SEC23A: variants seen among roughly 807,000 people sequenced by gnomAD.
SEC23A encodes the protein SEC23 homolog A, COPII component.
A neutral mutation model predicts 103.7 loss-of-function variants in SEC23A; 56 were observed. The observed-to-expected ratio is 0.54, with a 90% confidence interval of 0.44 to 0.67. SEC23A has a LOEUF of 0.67. Among genes scored for constraint, SEC23A ranks in the 30% least tolerant of loss-of-function variants. The pLI is 0.00. For missense variants in SEC23A, 784 were observed against 936.4 expected (o/e 0.84, Z 2.12); for synonymous variants, 281 against 293.0 (o/e 0.96, Z 0.42).
chr14:39,045,245 T>C lies in SEC23A; in HGVS notation c.1817A>G (p.His606Arg). The change falls in exon 16 of 20, where the codon CAT (histidine) becomes CGT (arginine). Residue 606 changes from histidine to arginine, a missense_variant. Around this residue, in one of 2 missense-constraint regions of SEC23A, gnomAD observed 683 missense variants for 774.2 expected, o/e 0.88. Transcript: ENST00000307712. ...CTGGGTCAGATCTTGACGCATAAAA[T>C]GGTGACGATAATATGAACTCTCATC... is the stretch of plus-strand genomic sequence containing the variant. The part of the protein sequence containing the change: ...SPDESSYYRH[H>R]FMRQDLTQSL... The C allele has an allele frequency of 6.2e-7, 1 of 1,613,184 alleles. No homozygotes were observed. The highest frequency in any genetic ancestry group is 8.5e-7 in the Non-Finnish European group (1 of 1,179,306).
At chr14:39,093,159 G>GC in intron 3 of SEC23A, 28 bp downstream of exon 3, 1 of 1,603,542 alleles carries the variant, frequency 6.2e-7, no homozygotes. Context: ...GAGCCACTGC[G>GC]CCCGGCATGC....
intron 13 of SEC23A, among the ~76,000 whole-genome samples, chr14:39,057,787 T>C (rs890620399): frequency 6.6e-6 from 1 of 152,208 alleles, no homozygotes; most frequent in Admixed American, 6.5e-5. Context: ...AGCAGAAATA[T>C]AGAAATACAA....
intron 1 of SEC23A, among the ~76,000 whole-genome samples, chr14:39,101,316 C>G (rs1888083353): frequency 6.6e-6 from 1 of 152,014 alleles, no homozygotes; most frequent in Admixed American, 6.6e-5. Flanking sequence ...GTGCCCAAGT[C>G]TTTTAAAAGT....
At chr14:39,083,977 T>C (rs1432172178) in intron 7 of SEC23A, among the ~76,000 whole-genome samples, 3 of 152,166 alleles carry the variant, frequency 2.0e-5, no homozygotes, top group Admixed American at 6.5e-5. Context: ...TTCTGTAAAT[T>C]TGATAGCATT....
In SEC23A at chr14:39,064,929, G is replaced by C; in HGVS notation, c.1292C>G (p.Pro431Arg). The C allele has an allele frequency of 1.2e-6, 2 of 1,611,022 alleles. No homozygotes were observed. Among genetic ancestry groups the C allele is most frequent in the African/African-American group, 1.3e-5 (1 of 74,852 alleles). Residue 431 changes from proline to arginine, a missense_variant, in exon 11 of 20, where the codon CCC (proline) becomes CGC (arginine). Physicochemically the swap from Pro to Arg is moderately radical, Grantham distance 103. Coordinates refer to ENST00000307712, the MANE Select transcript of SEC23A (RefSeq NM_006364.4). The stretch of plus-strand genomic sequence containing the variant: ...ACAACTTACATTTTCAGACACACAG[G>C]GTCCTTTAGAATTGAGTGACACACA... ...GPCVSLNSKG[P>R]CVSENEIGTG...
intron 8 of SEC23A, 146 bp from the exon 9 acceptor site, chr14:39,074,676 A>G: frequency 1.6e-6 from 1 of 612,956 alleles, no homozygotes. Context: ...TAATGTTAAT[A>G]AAATTATACA....
intron 1 of SEC23A, among the ~76,000 whole-genome samples, chr14:39,102,390 G>A (rs1223557867): frequency 2.6e-5 from 4 of 152,196 alleles, no homozygotes; most frequent in South Asian, 2.1e-4. Flanking sequence ...TAGAGGTTGA[G>A]GGAGTTCAAG....
At chr14:39,077,543 A>T (rs529011303) in intron 7 of SEC23A, among the ~76,000 whole-genome samples, 1 of 152,096 alleles carries the variant, frequency 6.6e-6, no homozygotes, top group East Asian at 1.9e-4. Context: ...CTCTGTCAAA[A>T]AAAAGAAAGA....
At position 39,055,193 on chromosome 14, in the gene SEC23A, C is replaced by T. The variant is rs1229826646; in HGVS notation, c.1609G>A (p.Glu537Lys). ...ARLAIYRAETEEGPDVLRWLD... is the reference protein window; with the variant it reads ...ARLAIYRAETKEGPDVLRWLD... ...CACCTAAGCACATCTGGACCTTCTTCTGTTTCTGCTCTATATATTGCTAGC... is the reference window on the plus strand; with the variant it reads ...CACCTAAGCACATCTGGACCTTCTTTTGTTTCTGCTCTATATATTGCTAGC... Residue 537 changes from glutamate to lysine, a missense_variant, in exon 14 of 20, where the codon GAA becomes AAA. Physicochemically the swap from Glu to Lys is moderately conservative, Grantham distance 56 (BLOSUM62 1). Coordinates refer to ENST00000307712, the MANE Select transcript of SEC23A (RefSeq NM_006364.4). The T allele has an allele frequency of 3.7e-6, 6 of 1,614,100 alleles. No individual in the cohort carries two copies. Among genetic ancestry groups the T allele is most frequent in the Non-Finnish European group, 5.1e-6 (6 of 1,180,044 alleles).
chr14:39,070,725 A>T (rs1270659087), intron 9 of SEC23A, among the ~76,000 whole-genome samples: 3 of 151,626 alleles, frequency 2.0e-5, no homozygotes, highest in Non-Finnish European at 4.4e-5. Context: ...AATATCTTCT[A>T]ATGGTAGAAG....
Position 39,045,196 on chromosome 14 carries a change from G to A in SEC23A, c.1866C>T (p.Ile622=), listed in dbSNP as rs755409537. 3.7e-6 allele frequency: 6 copies of A among 1,613,430 alleles called. No individual in the cohort carries two copies. The highest frequency in any genetic ancestry group is 2.7e-5 in the African/African-American group (2 of 74,846). The part of the protein sequence containing the change: ...LTQSLIMIQP[I]LYAYSFSGPP... ...GTCCACTAAAAGAATACGCATACAGGATAGGCTGAATCATAATTAGAGACT... is the reference window on the plus strand; with the variant it reads ...GTCCACTAAAAGAATACGCATACAGAATAGGCTGAATCATAATTAGAGACT... The change falls in exon 16 of 20, where the codon ATC becomes ATT. Residue 622 remains isoleucine, a synonymous_variant. Coordinates refer to ENST00000307712, the MANE Select transcript of SEC23A (RefSeq NM_006364.4).
intron 19 of SEC23A, among the ~76,000 whole-genome samples, chr14:39,036,548 C>T (rs1885468382): frequency 6.6e-6 from 1 of 152,118 alleles, no homozygotes; most frequent in Non-Finnish European, 1.5e-5. Flanking sequence ...AGGCAATTAT[C>T]CAATGTGAGT....
chr14:39,094,261 TATGCATATATACACATATACAC>T (rs1377342995), intron 2 of SEC23A, among the ~76,000 whole-genome samples: 11 of 95,072 alleles, frequency 1.2e-4, no homozygotes, highest in African/African-American at 4.7e-4. Context: ...TATACATATA[TATGCATATATACACATATACAC>T]ATATATATGC....
At chr14:39,044,665 G>A (rs1210114630) in intron 16 of SEC23A, among the ~76,000 whole-genome samples, 1 of 152,142 alleles carries the variant, frequency 6.6e-6, no homozygotes, top group African/African-American at 2.4e-5. Flanking sequence ...AGGTTAAATG[G>A]ATAACTTTAT....
intron 19 of SEC23A, among the ~76,000 whole-genome samples, chr14:39,034,872 G>A (rs1044848066): frequency 6.6e-6 from 1 of 152,182 alleles, no homozygotes; most frequent in African/African-American, 2.4e-5. Flanking sequence ...CACTGTCACA[G>A]AAGTGTTGCA....
intron 14 of SEC23A, among the ~76,000 whole-genome samples, 172 bp from the exon 15 acceptor site, chr14:39,048,901 A>G (rs1256496356): frequency 1.3e-5 from 2 of 152,128 alleles, no homozygotes; most frequent in African/African-American, 4.8e-5. Flanking sequence ...CCAAAGAAAA[A>G]ACATCTAAAT....
chr14:39,061,745 C>A lies in SEC23A; in HGVS notation c.1505+20G>T. ...GATACCTGTGATATGAAAATCAAAT[C>A]TCTAACAAATACAACTTACTTCCTA... On this transcript the variant is annotated intron_variant, in intron 13 of 19. Coordinates refer to ENST00000307712, the MANE Select transcript of SEC23A (RefSeq NM_006364.4). 6.4e-7 allele frequency: 1 copy of A among 1,553,992 alleles called. No homozygotes were observed. The highest frequency in any genetic ancestry group is 1.4e-5 in the African/African-American group (1 of 73,822).
chr14:39,039,209 A>G (rs1178687360), intron 18 of SEC23A, 113 bp from the exon 19 acceptor site: 2 of 850,920 alleles, frequency 2.4e-6, no homozygotes, highest in Non-Finnish European at 3.8e-6. Flanking sequence ...GGTAAAATTA[A>G]TTTTATTAAC....
chr14:39,060,436 C>G (rs958489513), intron 13 of SEC23A, among the ~76,000 whole-genome samples: 3 of 152,138 alleles, frequency 2.0e-5, no homozygotes, highest in Admixed American at 1.3e-4. Flanking sequence ...AGTTTAAGTA[C>G]ACTTAATGAA....
Sources: gnomAD v4.1 joint callset for allele counts (sites outside exome capture counted in the v4.1 genomes callset) on GRCh38, gnomAD v4.1.1 for gene constraint, gnomAD v4.1.1 regional missense constraint, MANE v1.5 for transcripts, NCBI Gene and HGNC (gene_info 2026-07-23, HGNC 2026-07-21) for gene names.